SLC14A2: variants seen among roughly 807,000 people sequenced by gnomAD.
SLC14A2 encodes the protein urea transporter 2.
SLC14A2 carries 91 observed loss-of-function variants against 104.6 expected under a neutral mutation model. The observed-to-expected ratio is 0.87, with a 90% CI of 0.73 to 1.04. SLC14A2 has a LOEUF of 1.04. SLC14A2 is among the 50% of genes least tolerant of loss of function. The pLI is 0.00. For missense variants in SLC14A2, 1,189 were observed against 1,156.0 expected, an observed-to-expected ratio of 1.03 and a Z score of -0.41; for synonymous variants, 476 against 466.4, an observed-to-expected ratio of 1.02 and a Z score of -0.27.
At chr18:45,512,971 CT>C (rs1406699698) in intron 2 of SLC14A2, among the ~76,000 whole-genome samples, 9 of 152,172 alleles carry the variant, frequency 5.9e-5, no homozygotes, top group Non-Finnish European at 1.3e-4. Context: ...GCAAGTGATT[CT>C]TTGGGAGTCT....
chr18:45,435,597 C>A (rs914420566), intron 1 of SLC14A2, among the ~76,000 whole-genome samples: 37 of 152,084 alleles, frequency 2.4e-4, no homozygotes, highest in African/African-American at 8.7e-4. Context: ...AGAATAATAG[C>A]ACTGATGGAG....
chr18:45,385,869 T>G (rs934455488), intron 1 of SLC14A2, among the ~76,000 whole-genome samples: 1 of 152,144 alleles, frequency 6.6e-6, no homozygotes, highest in African/African-American at 2.4e-5. Flanking sequence ...AGTCAGTTGA[T>G]AGCATCAGAA....
chr18:45,401,349 T>A (rs186260282), intron 1 of SLC14A2, among the ~76,000 whole-genome samples: 1 of 152,340 alleles, frequency 6.6e-6, no homozygotes, highest in East Asian at 1.9e-4. Context: ...GTAGGGACTA[T>A]TTTAGGTGAC....
intron 2 of SLC14A2, among the ~76,000 whole-genome samples, chr18:45,494,294 C>A (rs1163904645): frequency 3.3e-5 from 5 of 152,236 alleles, no homozygotes; most frequent in South Asian, 2.1e-4. Context: ...CTCAGGCTAT[C>A]CTTCATCATG....
intron 1 of SLC14A2, among the ~76,000 whole-genome samples, chr18:45,451,615 T>A (rs1487334942): frequency 6.6e-6 from 1 of 152,148 alleles, no homozygotes; most frequent in African/African-American, 2.4e-5. Context: ...ATAATTAAAT[T>A]GAGGCTAATA....
At chr18:45,620,201 G>C (rs1175691160) in intron 1 of SLC14A2, among the ~76,000 whole-genome samples, 1 of 152,076 alleles carries the variant, frequency 6.6e-6, no homozygotes, top group African/African-American at 2.4e-5. Flanking sequence ...AAACACAACA[G>C]CGGGCTGAGG....
chr18:45,308,146 G>A (rs146346303), intron 1 of SLC14A2, among the ~76,000 whole-genome samples: 5 of 152,242 alleles, frequency 3.3e-5, no homozygotes, highest in African/African-American at 4.8e-5. Context: ...AACACCTCCC[G>A]GTATGTCCCA....
At chr18:45,350,439 G>C (rs1292839232) in intron 1 of SLC14A2, among the ~76,000 whole-genome samples, 1 of 152,200 alleles carries the variant, frequency 6.6e-6, no homozygotes, top group African/African-American at 2.4e-5. Flanking sequence ...TCCTTGGGAA[G>C]AGGCCGCAGT....
chr18:45,299,391 C>T (rs1033432415), intron 1 of SLC14A2, among the ~76,000 whole-genome samples: 19 of 152,262 alleles, frequency 1.2e-4, no homozygotes, highest in African/African-American at 4.6e-4. Context: ...CCAGGAAAAG[C>T]CAGGGGTGCA....
intron 1 of SLC14A2, among the ~76,000 whole-genome samples, chr18:45,255,260 G>T (rs1391095480): frequency 6.6e-6 from 1 of 152,028 alleles, no homozygotes; most frequent in Non-Finnish European, 1.5e-5. Flanking sequence ...TCCTACTGCT[G>T]GCTCACATCA....
intron 2 of SLC14A2, among the ~76,000 whole-genome samples, chr18:45,516,477 C>T (rs1481907367): frequency 1.3e-5 from 2 of 152,150 alleles, no homozygotes; most frequent in South Asian, 4.1e-4. Context: ...TCAAGTGCTG[C>T]CCCAGGGACG....
chr18:45,210,551 C>T (rs183910752), upstream of SLC14A2, among the ~76,000 whole-genome samples: 230 of 152,328 alleles, frequency 1.5e-3, no homozygotes, highest in Non-Finnish European at 2.5e-3. Flanking sequence ...TGCACTCTAA[C>T]CTAGGCAAGA....
At chr18:45,382,802 A>G (rs1211019983) in intron 1 of SLC14A2, among the ~76,000 whole-genome samples, 1 of 152,244 alleles carries the variant, frequency 6.6e-6, no homozygotes, top group African/African-American at 2.4e-5. Flanking sequence ...AAACAGCTGT[A>G]GATATCCCTT....
intron 1 of SLC14A2, among the ~76,000 whole-genome samples, chr18:45,227,560 A>G (rs987572781): frequency 9.2e-5 from 14 of 152,342 alleles, no homozygotes; most frequent in African/African-American, 3.4e-4. Context: ...CCTTAATCCC[A>G]TTAATGAGGG....
chr18:45,643,404 G>A (rs1432217406), intron 9 of SLC14A2, among the ~76,000 whole-genome samples: 2 of 152,204 alleles, frequency 1.3e-5, no homozygotes, highest in Non-Finnish European at 2.9e-5. Flanking sequence ...TTGAAAGATT[G>A]CAATGTAACT....
intron 2 of SLC14A2, among the ~76,000 whole-genome samples, chr18:45,530,767 T>C (rs1328125166): frequency 6.6e-6 from 1 of 152,192 alleles, no homozygotes; most frequent in African/African-American, 2.4e-5. Context: ...GTTACATATG[T>C]ATACATGTGC....
chr18:45,555,660 T>TA (rs1392471562), intron 2 of SLC14A2, among the ~76,000 whole-genome samples: 2 of 152,208 alleles, frequency 1.3e-5, no homozygotes, highest in Admixed American at 1.3e-4. Context: ...GAATTTTTTT[T>TA]ATTATGAATC....
chr18:45,462,312 A>C (rs2144643515), intron 1 of SLC14A2, among the ~76,000 whole-genome samples: 1 of 152,344 alleles, frequency 6.6e-6, no homozygotes, highest in Non-Finnish European at 1.5e-5. Flanking sequence ...AGACTTTTAG[A>C]GCCAGCCAAC....
chr18:45,449,899 C>T (rs1018794302), intron 1 of SLC14A2, among the ~76,000 whole-genome samples: 2 of 152,136 alleles, frequency 1.3e-5, no homozygotes, highest in African/African-American at 4.8e-5. Context: ...GCTCCAGCCT[C>T]ATGCTGCAGA....
Sources: allele counts gnomAD v4.1 joint callset (sites outside exome capture counted in the v4.1 genomes callset), GRCh38; gene constraint gnomAD v4.1.1; transcripts MANE v1.5; gene names NCBI Gene and HGNC (gene_info 2026-07-23, HGNC 2026-07-21).